CEP192: variants seen among roughly 807,000 people sequenced by gnomAD.
The protein encoded by CEP192 is centrosomal protein of 192 kDa.
CEP192 carries 151 observed loss-of-function variants against 271.8 expected under a neutral mutation model. The observed-to-expected ratio is 0.56, with a 90% CI of 0.49 to 0.64. The LOEUF (loss-of-function observed/expected upper bound fraction) is 0.64. Among genes scored for constraint, CEP192 ranks in the 30% least tolerant of loss-of-function variants. The pLI, the probability that CEP192 is intolerant of heterozygous loss-of-function variation, is 0.00. For synonymous variants in CEP192, 995 were observed against 1,076.5 expected (o/e 0.92, Z 1.48); for missense variants, 2,910 against 3,020.5 (o/e 0.96, Z 0.86).
Position 13,030,130 on chromosome 18 carries a change from A to G in CEP192, c.1390+128A>G, listed in dbSNP as rs1031573843. 3.6e-5 allele frequency: 28 copies of G among 779,860 alleles called. No individual in the cohort carries two copies. In the Admixed American group the frequency reaches 4.7e-4, roughly 13 times the overall value. The allele number at this position is 779,860 out of a possible 1,614,324, so 48.3% of individuals were successfully genotyped here. ...ATTTTAGTGTTTTATAGTTTAAACAAAATTTTAAATCTACTTGTACAGGGA... is the reference window on the plus strand; with the variant it reads ...ATTTTAGTGTTTTATAGTTTAAACAGAATTTTAAATCTACTTGTACAGGGA... On this transcript the variant is annotated intron_variant, in intron 10 of 44. Coordinates refer to ENST00000506447, the MANE Select transcript of CEP192 (RefSeq NM_032142.4).
chr18:13,041,233 GTTAA>G (rs2036184949), intron 14 of CEP192, among the ~76,000 whole-genome samples: 1 of 152,140 alleles, frequency 6.6e-6, no homozygotes, highest in Non-Finnish European at 1.5e-5. Context: ...GAATTATTGA[GTTAA>G]TTAATCGTAG....
rs1347601370 is a variant in CEP192, at chr18:13,067,578, A to G, written c.4489-253A>G. 2.6e-5 allele frequency among the ~76,000 whole-genome samples: 4 copies of G among 152,252 alleles called. No individual in the cohort carries two copies. In the East Asian group the frequency reaches 7.7e-4, roughly 29 times the overall value. On this transcript the variant is annotated intron_variant, in intron 21 of 44. Transcript: ENST00000506447. ...TTTTATAAAATTATCAGTTCATCTT[A>G]AGATACAGTCTTTTCAAAGTAACAG...
At chr18:13,095,282 A>T (rs2039337183) in intron 34 of CEP192, among the ~76,000 whole-genome samples, 2 of 152,164 alleles carry the variant, frequency 1.3e-5, no homozygotes, top group Non-Finnish European at 2.9e-5. Flanking sequence ...GATTATAGGC[A>T]TGATCCACCA....
chr18:12,993,348 G>A (rs906492175), intron 1 of CEP192, among the ~76,000 whole-genome samples: 6 of 152,168 alleles, frequency 3.9e-5, no homozygotes, highest in African/African-American at 1.4e-4. Context: ...AAGTATGGTC[G>A]TTCCCTCAGG....
rs2035564733 is a variant in CEP192, at chr18:13,030,621, A to T, written c.1534+13A>T. The stretch of plus-strand genomic sequence containing the variant: ...TTCAGATCTGGTTGTAAGTATATGG[A>T]TAAACATTTATTATAACATTTTCAC... On this transcript the variant is annotated intron_variant, in intron 11 of 44. Coordinates refer to ENST00000506447, the MANE Select transcript of CEP192 (RefSeq NM_032142.4). 21 of 1,570,098 alleles carry T rather than the reference A, an allele frequency of 1.3e-5. No homozygotes were observed. Among genetic ancestry groups the T allele is most frequent in the Non-Finnish European group, 1.7e-5 (20 of 1,144,284 alleles).
intron 17 of CEP192, among the ~76,000 whole-genome samples, chr18:13,051,005 T>A (rs963340773): frequency 3.3e-5 from 5 of 152,230 alleles, no homozygotes; most frequent in Admixed American, 2.6e-4. Flanking sequence ...ATGTTTCTTA[T>A]AGGTATTGCT....
chr18:13,090,186 A>G lies in CEP192; in HGVS notation c.6103+621A>G, dbSNP rs115004009. ...AAATGTATATACAGATTTTCACCAT[A>G]GTGTTGTTTATAATAGCAAGAAGCT... On this transcript the variant is annotated intron_variant, in intron 33 of 44. Coordinates refer to ENST00000506447, the MANE Select transcript of CEP192 (RefSeq NM_032142.4). Among the ~76,000 whole-genome samples the G allele has an allele frequency of 5.9e-3, 905 of 152,340 alleles. 9 individuals carry two copies. Among genetic ancestry groups the G allele is most frequent in the African/African-American group, 0.021 (870 of 41,570 alleles).
intron 19 of CEP192, among the ~76,000 whole-genome samples, chr18:13,056,976 T>C (rs2037140822): frequency 6.6e-6 from 1 of 152,194 alleles, no homozygotes; most frequent in Non-Finnish European, 1.5e-5. Context: ...CCCTAGGAAA[T>C]GTCCAGTTTA....
intron 9 of CEP192, chr18:13,024,449 GTGTT>G (rs1043088908): frequency 2.9e-5 from 11 of 382,026 alleles, no homozygotes; most frequent in African/African-American, 6.4e-5. Flanking sequence ...TTCAGTTGGT[GTGTT>G]TGTTTGTTTA....
intron 23 of CEP192, 29 bp from the exon 24 acceptor site, chr18:13,068,330 T>G (rs1176003810): frequency 6.2e-7 from 1 of 1,606,468 alleles, no homozygotes; most frequent in African/African-American, 1.3e-5. Context: ...CAGTTTACAT[T>G]AAGACAAATT....
At chr18:13,086,938 A>G in intron 30 of CEP192, 79 bp from the exon 31 acceptor site, 2 of 1,012,206 alleles carry the variant, frequency 2.0e-6, no homozygotes, top group East Asian at 2.5e-5. Flanking sequence ...AATCTTTCTG[A>G]ATTTTCTTCT....
chr18:13,081,310 T>A (rs1047556500), intron 30 of CEP192, among the ~76,000 whole-genome samples: 1 of 152,160 alleles, frequency 6.6e-6, no homozygotes, highest in Admixed American at 6.5e-5. Context: ...GCCTTAATTT[T>A]AGAGCCTGTT....
chr18:13,111,158 T>G (rs1467541309), intron 40 of CEP192, among the ~76,000 whole-genome samples: 1 of 152,176 alleles, frequency 6.6e-6, no homozygotes, highest in East Asian at 1.9e-4. Flanking sequence ...GGAGTCTTAC[T>G]CTGTTGCCCA....
chr18:13,084,217 C>G (rs966510116), intron 30 of CEP192, among the ~76,000 whole-genome samples: 1 of 152,168 alleles, frequency 6.6e-6, no homozygotes, highest in Non-Finnish European at 1.5e-5. Flanking sequence ...CAGCTATGCC[C>G]TGCCCCTAGA....
chr18:13,046,186 C>T (rs2036469983), intron 15 of CEP192, among the ~76,000 whole-genome samples: 1 of 152,128 alleles, frequency 6.6e-6, no homozygotes, highest in African/African-American at 2.4e-5. Context: ...AGGCATGTCA[C>T]ATGGCCAAAG....
intron 36 of CEP192, among the ~76,000 whole-genome samples, chr18:13,098,200 C>T (rs555729772): frequency 6.6e-6 from 1 of 152,364 alleles, no homozygotes; most frequent in Non-Finnish European, 1.5e-5. Flanking sequence ...AGACGGGCTC[C>T]TCACTTCCCA....
At chr18:13,071,311 C>T (rs2038000589) in intron 28 of CEP192, 99 bp downstream of exon 28, 1 of 997,690 alleles carries the variant, frequency 1.0e-6, no homozygotes, top group South Asian at 1.6e-5. Flanking sequence ...AATAGACACT[C>T]TTCAGGCTCA....
chr18:13,062,526 ATT>A (rs35231926), intron 21 of CEP192, among the ~76,000 whole-genome samples: 2 of 145,338 alleles, frequency 1.4e-5, no homozygotes, highest in Admixed American at 6.8e-5. Context: ...GTACTGTTAG[ATT>A]TTTTTTTTTT....
intron 34 of CEP192, among the ~76,000 whole-genome samples, chr18:13,093,991 C>G (rs1238435633): frequency 6.6e-6 from 1 of 152,168 alleles, no homozygotes; most frequent in Non-Finnish European, 1.5e-5. Context: ...TCTTTCTTAC[C>G]AATGACCTTG....
Sources: gnomAD v4.1 joint callset for allele counts (sites outside exome capture counted in the v4.1 genomes callset) on GRCh38, gnomAD v4.1.1 for gene constraint, MANE v1.5 for transcripts, NCBI Gene and HGNC (gene_info 2026-07-23, HGNC 2026-07-21) for gene names.